Variants in MED1 observed in about 807,000 individuals in gnomAD.
MED1 encodes mediator of RNA polymerase II transcription subunit 1.
Under a neutral mutation model 121.3 loss-of-function variants are expected in MED1, and 17 were observed. The ratio of observed to expected loss-of-function variants is 0.14; its 90% CI spans 0.10 to 0.21. The LOEUF is 0.21. Among genes scored for constraint, MED1 ranks in the 10% least tolerant of loss-of-function variants. The probability of loss-of-function intolerance (pLI) is 1.00; values close to 1 mark genes in which losing one functional copy is unlikely to be tolerated. For synonymous variants in MED1, 661 were observed against 694.4 expected (o/e 0.95, Z 0.76); for missense variants, 1,558 against 1,919.4 (o/e 0.81, Z 3.52).
chr17:39,410,839 G>GT, intron 16 of MED1, 118 bp from the exon 17 acceptor site: 1 of 1,395,168 alleles, frequency 7.2e-7, no homozygotes, highest in Non-Finnish European at 9.5e-7. Context: ...CAAATAATCT[G>GT]TAAGACAAAA....
chr17:39,412,522 A>G lies in MED1; in HGVS notation c.1500-1801T>C, dbSNP rs527619342. Among the ~76,000 whole-genome samples the G allele has an allele frequency of 2.0e-5, 3 of 147,852 alleles. 1 individual carries two copies. The South Asian group carries it at 6.4e-4, about 31-fold the overall frequency. On this transcript the variant is annotated intron_variant, in intron 16 of 16. Transcript: ENST00000300651. ...TAGGCGTGAGCCACCACACCCAGCC[A>G]GCAAATTTTTCTTTTTTTTTTTTTT...
In MED1 at chr17:39,426,445, TTAAA is replaced by T. The variant is rs199508620; in HGVS notation, c.739+1252_739+1255del. Among the ~76,000 whole-genome samples the T allele has an allele frequency of 1.1e-4, 17 of 152,012 alleles. 1 individual carries two copies. The highest frequency in any genetic ancestry group is 6.8e-3 in the Middle Eastern group (2 of 294). On this transcript the variant is annotated intron_variant, in intron 10 of 16. Transcript: ENST00000300651. ...CTGGGTGACAGAGTGAGACTCCATC[TTAAA>T]TAAATAAATAAACAAACAAACAAAC...
At chr17:39,421,272 A>AC (rs1419948892) in intron 13 of MED1, among the ~76,000 whole-genome samples, 1 of 148,306 alleles carries the variant, frequency 6.7e-6, no homozygotes, top group African/African-American at 2.5e-5. Context: ...AAAGAAAAGG[A>AC]CAGGCAAGGT....
Position 39,415,119 on chromosome 17 carries a change from A to T in MED1, c.1406T>A (p.Val469Glu). Residue 469 changes from valine (V) to glutamate (E), a missense_variant, in exon 16 of 17, where the codon GTG becomes GAG. Transcript: ENST00000300651. Reference protein sequence around the residue: ...NDSLVCVVMDVQDSTHVSCKL... With the variant: ...NDSLVCVVMDEQDSTHVSCKL... ...ACAGCTCACATGTGTTGAGTCCTGC[A>T]CATCCATTACCACTGAAAGACAAAA... 2.5e-6 allele frequency: 4 copies of T among 1,614,050 alleles called. No homozygotes were observed. Among genetic ancestry groups the T allele is most frequent in the Non-Finnish European group, 2.5e-6 (3 of 1,179,910 alleles).
At chr17:39,420,710 T>C (rs1040613214) in intron 13 of MED1, among the ~76,000 whole-genome samples, 19 of 151,718 alleles carry the variant, frequency 1.3e-4, no homozygotes, top group Non-Finnish European at 2.4e-4. Context: ...TCTTGGCTCA[T>C]TGCAATCTCT....
chr17:39,451,224 G>A lies in MED1; in HGVS notation c.-162C>T, dbSNP rs902213099. 9.7e-6 allele frequency: 7 copies of A among 721,542 alleles called. No homozygotes were observed. The highest frequency in any genetic ancestry group is 3.0e-5 in the Admixed American group (1 of 33,002). 44.7% of individuals were successfully genotyped at this position (721,542 alleles called of 1,614,324 possible). A position where few individuals can be genotyped will look rare whatever the true frequency, so the allele number is the denominator to read the frequency against. On this transcript the variant is annotated 5_prime_UTR_variant, in exon 1 of 17. Coordinates refer to ENST00000300651, the MANE Select transcript of MED1 (RefSeq NM_004774.4). ...GAAGTCCCCGGCGGCAAGAAGAGAAGGGTGCTCGAGGCCGCCGCCATCTTC... is the reference window on the plus strand; with the variant it reads ...GAAGTCCCCGGCGGCAAGAAGAGAAAGGTGCTCGAGGCCGCCGCCATCTTC...
chr17:39,443,694 A>G lies in MED1; in HGVS notation c.133-66T>C, dbSNP rs547261242. On this transcript the variant is annotated intron_variant, in intron 2 of 16. Coordinates refer to ENST00000300651, the MANE Select transcript of MED1 (RefSeq NM_004774.4). ...GGCCAACAGTGTTTTAGGTAAACAT[A>G]CACATTATCCTAGTAGTAATATTGC... The G allele has an allele frequency of 4.7e-6, 6 of 1,277,266 alleles. No homozygotes were observed. The East Asian group carries it at 1.4e-4, about 30-fold the overall frequency. The allele number at this position is 1,277,266 out of a possible 1,614,324, so 79.1% of individuals were successfully genotyped here.
chr17:39,450,818 G>T (rs1423273977), intron 1 of MED1, among the ~76,000 whole-genome samples: 1 of 152,112 alleles, frequency 6.6e-6, no homozygotes. Flanking sequence ...CCCTAGTCGA[G>T]CATGAAATCT....
chr17:39,413,928 A>C (rs1298664668), intron 16 of MED1, among the ~76,000 whole-genome samples: 13 of 149,968 alleles, frequency 8.7e-5, no homozygotes, highest in Non-Finnish European at 1.5e-4. Context: ...AAAAAAAAAA[A>C]AAAAAAAAAC....
intron 10 of MED1, chr17:39,427,457 G>A: frequency 4.2e-6 from 1 of 238,754 alleles, no homozygotes; most frequent in South Asian, 6.3e-5. Flanking sequence ...TGGGATTACA[G>A]GCGTGAGCCA....
In MED1 at chr17:39,419,794, A is replaced by G; in HGVS notation, c.1220T>C (p.Ile407Thr). The part of the protein sequence containing the change: ...TFQHPGRVPL[I>T]LNLIRHQVAY... ...CACTTGGTGTCTGATCAGATTTAGG[A>G]TAAGAGGAACTCGGCCAGGGTGCTG... The change falls in exon 14 of 17, where the codon ATC becomes ACC. Residue 407 changes from isoleucine (I) to threonine (T), a missense_variant. Around this residue, in one of 5 missense-constraint regions of MED1, gnomAD observed 443 missense variants for 532.4 expected, o/e 0.83. Coordinates refer to ENST00000300651, the MANE Select transcript of MED1 (RefSeq NM_004774.4). The G allele has an allele frequency of 6.2e-7, 1 of 1,614,050 alleles. No homozygotes were observed.
rs1462027593 is a variant in MED1, at chr17:39,409,504, A to G, written c.2717T>C (p.Leu906Ser). The G allele has an allele frequency of 3.1e-6, 5 of 1,614,168 alleles. No individual in the cohort carries two copies. Among genetic ancestry groups the G allele is most frequent in the Non-Finnish European group, 4.2e-6 (5 of 1,180,022 alleles). ...ATCACCTCCAAGCATTGGCACCCCC[A>G]AAGTATTTAGTGCCTGAGATGCAAA... ...KGFASQALNT[L>S]GVPMLGGDNG... is the part of the protein sequence containing the mutation. The change falls in exon 17 of 17, where the codon TTG (leucine) becomes TCG (serine). Residue 906 changes from leucine (L) to serine (S), a missense_variant. Transcript: ENST00000300651.
intron 14 of MED1, among the ~76,000 whole-genome samples, chr17:39,416,151 C>A (rs2048407309): frequency 6.6e-6 from 1 of 152,084 alleles, no homozygotes; most frequent in African/African-American, 2.4e-5. Flanking sequence ...AAGGAACCTG[C>A]CAGTTTGTTA....
Position 39,406,081 on chromosome 17 carries a change from AAC to A in MED1, c.*1392_*1393del. 1 of 985,494 alleles carries A rather than the reference AAC, an allele frequency of 1.0e-6. No individual in the cohort carries two copies. 61.0% of individuals were successfully genotyped at this position (985,494 alleles called of 1,614,324 possible). On this transcript the variant is annotated 3_prime_UTR_variant, in exon 17 of 17. Transcript: ENST00000300651. ...TACTGAGAACTTCTGTTGCACTCGAAACAGTCTCCTGGATTTCTATATTTTTA... is the reference window on the plus strand; with the variant it reads ...TACTGAGAACTTCTGTTGCACTCGAAAGTCTCCTGGATTTCTATATTTTTA...
At position 39,407,475 on chromosome 17, in the gene MED1, C is replaced by T; in HGVS notation, c.4746G>A (p.Ter1582=). 3 of 1,590,310 alleles carry T rather than the reference C, an allele frequency of 1.9e-6. No individual in the cohort carries two copies. The highest frequency in any genetic ancestry group is 2.3e-5 in the South Asian group (2 of 87,196). ...CTGTTTCTTTTAGGAAATAAGGTTC[C>T]TAATTCCCAATCAGGGCCACATCCA... The part of the protein sequence containing the change: ...DLMDVALIGN[*] Residue 1582 remains the stop codon, a stop_retained_variant, in exon 17 of 17, where the codon TAG becomes TAA. Transcript: ENST00000300651.
intron 6 of MED1, among the ~76,000 whole-genome samples, chr17:39,435,777 C>G (rs1188183995): frequency 6.6e-6 from 1 of 152,112 alleles, no homozygotes; most frequent in African/African-American, 2.4e-5. Context: ...TCTCAGCTCA[C>G]TACAACTTCC....
At chr17:39,438,979 G>T (rs539491706) in intron 6 of MED1, among the ~76,000 whole-genome samples, 186 bp downstream of exon 6, 1 of 152,234 alleles carries the variant, frequency 6.6e-6, no homozygotes, top group South Asian at 2.1e-4. Flanking sequence ...AAAACCCTGG[G>T]ATAGAGTAGG....
rs748052189 is a variant in MED1 at position 39,408,907 on chromosome 17, G to A, written c.3314C>T (p.Ser1105Phe). ...CTTCCCTGAGGTGGAAGCAGATGAG[G>A]AAGAGGAGGAAGAATGGCTATGGTG... ...KSHHSHSSSS[S>F]SSASTSGKMK... The change falls in exon 17 of 17, where the codon TCC becomes TTC. Residue 1105 changes from serine to phenylalanine, a missense_variant. Ser to Phe is a radical substitution (Grantham distance 155, BLOSUM62 -2). Transcript: ENST00000300651. The surrounding 1 kb of genome is among the most constrained non-coding windows in gnomAD (Gnocchi z 4.7). The A allele has an allele frequency of 1.5e-5, 24 of 1,614,048 alleles. No homozygotes were observed. In the Admixed American group the frequency reaches 3.5e-4, roughly 24 times the overall value.
At chr17:39,442,996 C>CTTTTTTTTTTTTTT (rs754729976) in intron 3 of MED1, among the ~76,000 whole-genome samples, 1 of 82,884 alleles carries the variant, frequency 1.2e-5, no homozygotes, top group Non-Finnish European at 2.2e-5. Context: ...TCCCAGGTAT[C>CTTTTTTTTTTTTTT]TTTTTTTTTT....
Sources: gnomAD v4.1 joint callset for allele counts (sites outside exome capture counted in the v4.1 genomes callset) on GRCh38, gnomAD v4.1.1 for gene constraint, gnomAD v4.1.1 regional missense constraint, Gnocchi (gnomAD v3.1) non-coding constraint, MANE v1.5 for transcripts, NCBI Gene and HGNC (gene_info 2026-07-23, HGNC 2026-07-21) for gene names.